CDH19: variants seen among roughly 807,000 people sequenced by gnomAD.
The protein encoded by CDH19 is cadherin-19.
CDH19 carries 67 observed loss-of-function variants against 64.2 expected under a neutral mutation model. The observed-to-expected ratio is 1.04, with a 90% CI of 0.86 to 1.28. CDH19 has a LOEUF of 1.28. CDH19 is among the 50% of genes most tolerant of loss of function. The pLI is 0.00. For synonymous variants in CDH19, 346 were observed against 319.3 expected (o/e 1.08, Z -0.89); for missense variants, 1,030 against 929.0 (o/e 1.11, Z -1.41).
chr18:66,532,739 C>A (rs1457962952), intron 8 of CDH19: 3 of 451,234 alleles, frequency 6.6e-6, no homozygotes, highest in Non-Finnish European at 1.3e-5. Context: ...ATAGGAGACT[C>A]ATTTTAGCAA....
chr18:66,584,870 C>T lies in CDH19; in HGVS notation c.-112-12554G>A, dbSNP rs142612227. ...CAAGATATACTACAGAAAAATAAAA[C>T]ACTGTTTTACTTCTAATATCTAAAC... On this transcript the variant is annotated intron_variant, in intron 1 of 11. Coordinates refer to ENST00000262150, the MANE Select transcript of CDH19 (RefSeq NM_021153.4). 4.1e-3 allele frequency among the ~76,000 whole-genome samples: 620 copies of T among 152,146 alleles called. 4 individuals carry two copies. Among genetic ancestry groups the T allele is most frequent in the African/African-American group, 0.014 (593 of 41,536 alleles).
intron 7 of CDH19, among the ~76,000 whole-genome samples, chr18:66,537,125 TTTAA>T (rs1986704041): frequency 6.6e-6 from 1 of 151,948 alleles, no homozygotes; most frequent in Non-Finnish European, 1.5e-5. Flanking sequence ...ATCGCTATAA[TTTAA>T]TTAATCAAAC....
intron 8 of CDH19, chr18:66,532,757 G>C (rs1225523292): frequency 2.2e-6 from 1 of 450,842 alleles, no homozygotes; most frequent in Non-Finnish European, 4.5e-6. Flanking sequence ...CAACGATCTT[G>C]TTCTAAGTTG....
intron 1 of CDH19, among the ~76,000 whole-genome samples, chr18:66,579,789 A>C (rs566005181): frequency 2.3e-4 from 35 of 152,188 alleles, no homozygotes; most frequent in African/African-American, 7.9e-4. Flanking sequence ...ACTAATGTAG[A>C]GATGAGCAAT....
At chr18:66,519,876 T>A (rs896636648) in intron 9 of CDH19, among the ~76,000 whole-genome samples, 1 of 152,084 alleles carries the variant, frequency 6.6e-6, no homozygotes, top group African/African-American at 2.4e-5. Context: ...GAAAGCTGTG[T>A]GCTATGTATT....
chr18:66,538,016 C>A (rs1401115470), intron 7 of CDH19, among the ~76,000 whole-genome samples: 2 of 151,996 alleles, frequency 1.3e-5, no homozygotes, highest in Admixed American at 1.3e-4. Context: ...TTTCTTTTGA[C>A]AATAATGCAT....
chr18:66,508,945 C>T (rs1412731004), intron 11 of CDH19, 50 bp downstream of exon 11: 5 of 1,576,720 alleles, frequency 3.2e-6, no homozygotes, highest in African/African-American at 1.4e-5. Flanking sequence ...CACCACCTAC[C>T]AAATATGATC....
intron 5 of CDH19, among the ~76,000 whole-genome samples, chr18:66,548,268 T>TAA (rs372768193): frequency 0.14 from 20,925 of 145,994 alleles, 1,633 homozygotes; most frequent in South Asian, 0.26. Context: ...TATATTTTTT[T>TAA]AAAAATATAT....
intron 8 of CDH19, chr18:66,532,519 C>CACACACACACACACACACACACAG (rs957423260): frequency 3.4e-6 from 1 of 294,520 alleles, no homozygotes; most frequent in African/African-American, 2.2e-5. Context: ...CACACACACA[C>CACACACACACACACACACACACAG]AGAGAAAGAG....
At position 66,541,139 on chromosome 18, in the gene CDH19, G is replaced by A. The variant is rs553868181; in HGVS notation, c.1214+2832C>T. Among the ~76,000 whole-genome samples, 820 of 152,086 alleles carry A rather than the reference G, an allele frequency of 5.4e-3. 4 individuals are homozygous for A. Among genetic ancestry groups the A allele is most frequent in the Admixed American group, 9.2e-3 (140 of 15,262 alleles). Reference sequence around the variant, plus strand: ...ACCTCAACTAAAGCAAGAGTATTTCGTTACACCAGTTTATTTACCCCACCC... The same window carrying A: ...ACCTCAACTAAAGCAAGAGTATTTCATTACACCAGTTTATTTACCCCACCC... On this transcript the variant is annotated intron_variant, in intron 7 of 11. Coordinates refer to ENST00000262150, the MANE Select transcript of CDH19 (RefSeq NM_021153.4).
chr18:66,519,575 C>T (rs977044506), intron 9 of CDH19, among the ~76,000 whole-genome samples: 1 of 152,064 alleles, frequency 6.6e-6, no homozygotes, highest in Non-Finnish European at 1.5e-5. Flanking sequence ...ATTTGAATTA[C>T]ATCTCATGGT....
intron 1 of CDH19, among the ~76,000 whole-genome samples, chr18:66,572,857 C>T (rs571431513): frequency 6.6e-6 from 1 of 151,746 alleles, no homozygotes; most frequent in Admixed American, 6.6e-5. Flanking sequence ...CTATAAAACA[C>T]TGAATAGAAA....
chr18:66,544,949 G>A (rs751388129), intron 5 of CDH19, 46 bp from the exon 6 acceptor site: 2 of 1,315,808 alleles, frequency 1.5e-6, no homozygotes, highest in East Asian at 5.0e-5. Context: ...ACTTAATATA[G>A]ACAACTTGCA....
intron 1 of CDH19, among the ~76,000 whole-genome samples, chr18:66,589,930 T>C (rs1988693472): frequency 1.3e-5 from 2 of 151,826 alleles, no homozygotes; most frequent in Admixed American, 1.3e-4. Flanking sequence ...ACAATAGCAG[T>C]AATTATGACT....
At chr18:66,577,603 T>C (rs1186655271) in intron 1 of CDH19, among the ~76,000 whole-genome samples, 2 of 151,942 alleles carry the variant, frequency 1.3e-5, no homozygotes, top group East Asian at 3.9e-4. Flanking sequence ...TGTAATTTCT[T>C]TGGCAAAGAT....
intron 1 of CDH19, among the ~76,000 whole-genome samples, chr18:66,573,922 C>CACA (rs1319092308): frequency 2.3e-4 from 33 of 144,578 alleles, no homozygotes; most frequent in Middle Eastern, 3.5e-3. Flanking sequence ...CACACACACA[C>CACA]AAGTATACAT....
intron 9 of CDH19, among the ~76,000 whole-genome samples, chr18:66,519,323 T>C (rs1201631006): frequency 6.6e-6 from 1 of 152,204 alleles, no homozygotes; most frequent in Non-Finnish European, 1.5e-5. Flanking sequence ...ACAGTCCTCT[T>C]TTACCTTCTT....
intron 1 of CDH19, among the ~76,000 whole-genome samples, chr18:66,585,953 A>G (rs1988565373): frequency 6.6e-6 from 1 of 152,158 alleles, no homozygotes. Context: ...AAGACTAATT[A>G]CGACTTAAGG....
intron 3 of CDH19, among the ~76,000 whole-genome samples, chr18:66,565,529 A>C (rs1344657630): frequency 6.6e-6 from 1 of 151,964 alleles, no homozygotes; most frequent in African/African-American, 2.4e-5. Flanking sequence ...ATTTGGAAGT[A>C]AGGTCAATAT....
Sources: gnomAD v4.1 joint callset for allele counts (sites outside exome capture counted in the v4.1 genomes callset) on GRCh38, gnomAD v4.1.1 for gene constraint, MANE v1.5 for transcripts, NCBI Gene and HGNC (gene_info 2026-07-23, HGNC 2026-07-21) for gene names.